Variants in ARHGAP19 observed in about 807,000 individuals in gnomAD.
ARHGAP19 encodes the protein rho GTPase-activating protein 19.
Under a neutral mutation model 60.9 loss-of-function variants are expected in ARHGAP19, and 48 were observed. The observed-to-expected ratio is 0.79, with a 90% CI of 0.62 to 1.00. ARHGAP19 has a LOEUF of 1.00. ARHGAP19 is among the 50% of genes least tolerant of loss of function. The pLI is 0.00. For synonymous variants in ARHGAP19, 209 were observed against 215.5 expected (o/e 0.97, Z 0.27); for missense variants, 562 against 597.2 (o/e 0.94, Z 0.61).
In ARHGAP19 at chr10:97,292,579, C is replaced by T. The variant is rs370213712; in HGVS notation, c.49G>A (p.Gly17Ser). The T allele has an allele frequency of 6.2e-7, 1 of 1,614,076 alleles. No individual in the cohort carries two copies. Among genetic ancestry groups the T allele is most frequent in the East Asian group, 2.2e-5 (1 of 44,898 alleles). Residue 17 changes from glycine to serine, a missense_variant, in exon 1 of 12, where the codon GGC (glycine) becomes AGC (serine). Physicochemically the swap from Gly to Ser is moderately conservative, Grantham distance 56. Coordinates refer to ENST00000358531, the MANE Select transcript of ARHGAP19 (RefSeq NM_032900.6). ...GGACCAAACTCAGCTCACCTCCGGC[C>T]GGATTCGCGGGCTGGCACCTCCCCT... is the stretch of plus-strand genomic sequence containing the variant. ...SEGEVPARESGRSDAICSFVI... is the reference protein window; with the variant it reads ...SEGEVPARESSRSDAICSFVI...
chr10:97,226,261 A>C (rs953336680), intron 11 of ARHGAP19, 129 bp from the exon 12 acceptor site: 10 of 875,972 alleles, frequency 1.1e-5, no homozygotes, highest in Non-Finnish European at 1.8e-5. Context: ...AGTTTAATTA[A>C]GAATGTGTGA....
chr10:97,263,737 G>T, intron 3 of ARHGAP19, 108 bp from the exon 4 acceptor site: 1 of 1,149,142 alleles, frequency 8.7e-7, no homozygotes. Context: ...CCTTCACAAA[G>T]CCTTTCAAGT....
At chr10:97,270,954 A>C (rs1187417807) in intron 1 of ARHGAP19, among the ~76,000 whole-genome samples, 1 of 152,272 alleles carries the variant, frequency 6.6e-6, no homozygotes, top group Non-Finnish European at 1.5e-5. Flanking sequence ...GTAGTTTTAC[A>C]ATATGGGGGA....
chr10:97,226,785 A>C (rs1196981868), intron 11 of ARHGAP19, among the ~76,000 whole-genome samples: 1 of 152,204 alleles, frequency 6.6e-6, no homozygotes, highest in Non-Finnish European at 1.5e-5. Flanking sequence ...TCAAAGGAAA[A>C]AGTATTATAT....
At chr10:97,276,698 T>G (rs1213607090) in intron 1 of ARHGAP19, among the ~76,000 whole-genome samples, 2 of 2,668 alleles carry the variant, frequency 7.5e-4, no homozygotes, top group African/African-American at 8.1e-4. Context: ...GGGAGGGAGG[T>G]GGGGGGGGTC....
intron 1 of ARHGAP19, among the ~76,000 whole-genome samples, chr10:97,270,138 A>G (rs1842943927): frequency 6.6e-6 from 1 of 152,234 alleles, no homozygotes; most frequent in South Asian, 2.1e-4. Flanking sequence ...ACACATAAGT[A>G]ACATGTAAAC....
chr10:97,265,887 G>A lies in ARHGAP19; in HGVS notation c.295C>T (p.Arg99Trp), dbSNP rs757936867. 55 of 1,613,974 alleles carry A rather than the reference G, an allele frequency of 3.4e-5. No homozygotes were observed. The South Asian group carries it at 4.3e-4, about 13-fold the overall frequency. Residue 99 changes from arginine (R) to tryptophan (W), a missense_variant, in exon 2 of 12, where the codon CGG (arginine) becomes TGG (tryptophan). Physicochemically the swap from Arg to Trp is moderately radical, Grantham distance 101. Coordinates refer to ENST00000358531, the MANE Select transcript of ARHGAP19 (RefSeq NM_032900.6). Reference sequence around the variant, plus strand: ...TTTCGCTTGAGAGACATGAGAGACCGGAAGAATCCTGATGCTGGGCCAGCC... The same window carrying A: ...TTTCGCTTGAGAGACATGAGAGACCAGAAGAATCCTGATGCTGGGCCAGCC... ...GGAGPASGFF[R>W]SLMSLKRKEK...
chr10:97,235,490 T>C (rs1851114099), intron 8 of ARHGAP19, among the ~76,000 whole-genome samples, 175 bp from the exon 9 acceptor site: 1 of 151,984 alleles, frequency 6.6e-6, no homozygotes, highest in South Asian at 2.1e-4. Flanking sequence ...CCAAAAGAAG[T>C]GGATTCAAGT....
chr10:97,283,133 C>T (rs367977833), intron 1 of ARHGAP19, among the ~76,000 whole-genome samples: 43 of 152,010 alleles, frequency 2.8e-4, no homozygotes, highest in Middle Eastern at 6.8e-3. Flanking sequence ...GTGAGCCACC[C>T]GCCCGGCTGT....
At chr10:97,228,299 A>G (rs1253189463) in intron 11 of ARHGAP19, among the ~76,000 whole-genome samples, 2 of 152,244 alleles carry the variant, frequency 1.3e-5, no homozygotes, top group African/African-American at 4.8e-5. Flanking sequence ...GACTCACTTC[A>G]GCTGCCACAT....
chr10:97,262,600 G>A (rs1350868749), intron 4 of ARHGAP19, among the ~76,000 whole-genome samples: 2 of 152,140 alleles, frequency 1.3e-5, no homozygotes, highest in South Asian at 2.1e-4. Context: ...GGGAGGCGGA[G>A]GTTGCAGTGA....
intron 1 of ARHGAP19, among the ~76,000 whole-genome samples, chr10:97,290,407 T>C (rs567281257): frequency 5.9e-5 from 9 of 152,316 alleles, no homozygotes; most frequent in Non-Finnish European, 1.3e-4. Flanking sequence ...GGGTTCGTCC[T>C]AATCAAGTTG....
intron 4 of ARHGAP19, among the ~76,000 whole-genome samples, chr10:97,262,330 T>G (rs2134883315): frequency 6.6e-6 from 1 of 152,222 alleles, no homozygotes; most frequent in Non-Finnish European, 1.5e-5. Flanking sequence ...AATTTTGAAC[T>G]ATGTGTTTCT....
rs35980234 is a variant in ARHGAP19 at position 97,272,131 on chromosome 10, CTTTTT to C, written c.57-6011_57-6007del. On this transcript the variant is annotated intron_variant, in intron 1 of 11. Transcript: ENST00000358531. ...TTATACACTTAGGTGGGAAATATGT[CTTTTT>C]TTTTTTTTTTTTTTTTTCAGACAGA... Among the ~76,000 whole-genome samples the C allele has an allele frequency of 9.2e-3, 792 of 85,636 alleles. 6 individuals carry two copies. Among genetic ancestry groups the C allele is most frequent in the Admixed American group, 0.029 (170 of 5,798 alleles). The allele number at this position is 85,636 out of a possible 152,430, so 56.2% of individuals were successfully genotyped here.
intron 1 of ARHGAP19, among the ~76,000 whole-genome samples, chr10:97,267,095 G>C (rs188722974): frequency 9.8e-4 from 149 of 152,288 alleles, no homozygotes; most frequent in Admixed American, 2.4e-3. Context: ...CTATAAGCCT[G>C]CAAAATCAAA....
chr10:97,248,970 T>A (rs1253531515), intron 6 of ARHGAP19, among the ~76,000 whole-genome samples: 1 of 152,054 alleles, frequency 6.6e-6, no homozygotes, highest in Non-Finnish European at 1.5e-5. Flanking sequence ...GAGTGTGCCA[T>A]CACGCCCGGC....
At chr10:97,263,007 G>A (rs1057447214) in intron 4 of ARHGAP19, among the ~76,000 whole-genome samples, 2 of 152,076 alleles carry the variant, frequency 1.3e-5, no homozygotes, top group East Asian at 3.9e-4. Flanking sequence ...CAGCTACTTG[G>A]GAGGCTGAGG....
intron 7 of ARHGAP19, among the ~76,000 whole-genome samples, chr10:97,245,162 C>A (rs1405300459): frequency 6.6e-6 from 1 of 152,038 alleles, no homozygotes; most frequent in East Asian, 2.0e-4. Flanking sequence ...CGTGCCACCA[C>A]ATCTGGCTAA....
chr10:97,247,740 CACTT>C (rs546139534), intron 6 of ARHGAP19, among the ~76,000 whole-genome samples: 30 of 152,008 alleles, frequency 2.0e-4, no homozygotes, highest in Admixed American at 4.6e-4. Context: ...AAGGAAGAAA[CACTT>C]AATGAATTGA....
Sources: allele counts gnomAD v4.1 joint callset (sites outside exome capture counted in the v4.1 genomes callset), GRCh38; gene constraint gnomAD v4.1.1; transcripts MANE v1.5; gene names NCBI Gene and HGNC (gene_info 2026-07-23, HGNC 2026-07-21).